CDC16: variants seen among roughly 807,000 people sequenced by gnomAD.
CDC16 encodes the protein cell division cycle protein 16 homolog.
In CDC16, 34 loss-of-function variants were observed where a neutral mutation model predicts 87.0. The observed-to-expected ratio is 0.39, with a 90% CI of 0.30 to 0.52. The LOEUF (loss-of-function observed/expected upper bound fraction) is 0.52, where lower values mean the gene tolerates loss of function less well. CDC16 is among the 20% of genes least tolerant of loss of function. The pLI, the probability that CDC16 is intolerant of heterozygous loss-of-function variation, is 0.74. For synonymous variants in CDC16, 263 were observed against 260.6 expected (o/e 1.01, Z -0.09); for missense variants, 653 against 751.9 (o/e 0.87, Z 1.54).
Position 114,254,692 on chromosome 13 carries a change from C to G in CDC16, c.1098-2386C>G, listed in dbSNP as rs149304381. ...AATGTAGCTATTTTTATCAGACTCT[C>G]ATTTCTTCGTGTTGTAAACCAAAAA... On this transcript the variant is annotated intron_variant, in intron 12 of 17. Coordinates refer to ENST00000356221, the MANE Select transcript of CDC16 (RefSeq NM_001078645.3). Among the ~76,000 whole-genome samples the G allele has an allele frequency of 2.0e-4, 30 of 152,278 alleles. No individual in the cohort carries two copies. The East Asian group carries it at 5.6e-3, about 28-fold the overall frequency.
At chr13:114,266,846 T>C (rs774875630) in intron 17 of CDC16, among the ~76,000 whole-genome samples, 1 of 151,920 alleles carries the variant, frequency 6.6e-6, no homozygotes, top group Admixed American at 6.6e-5. Context: ...CAGGCACCCA[T>C]CACCACGCCC....
chr13:114,251,973 T>A (rs942972201), intron 12 of CDC16, among the ~76,000 whole-genome samples: 2 of 151,400 alleles, frequency 1.3e-5, no homozygotes, highest in Non-Finnish European at 2.9e-5. Flanking sequence ...AGCCCTACAC[T>A]AGCCCTGTTG....
Position 114,236,709 on chromosome 13 carries a change from A to T in CDC16, c.103+10A>T, listed in dbSNP as rs1469083596. 1 of 1,613,880 alleles carries T rather than the reference A, an allele frequency of 6.2e-7. No homozygotes were observed. On this transcript the variant is annotated intron_variant, in intron 2 of 17. Transcript: ENST00000356221. ...GCTTCACTCTCTCGTGGTAAGTGAC[A>T]AAATGCTAACTGGTTTTCTGATTAA... is the stretch of plus-strand genomic sequence containing the variant.
At chr13:114,261,737 A>G in intron 14 of CDC16, 150 bp from the exon 15 acceptor site, 1 of 528,078 alleles carries the variant, frequency 1.9e-6, no homozygotes, top group East Asian at 3.2e-5. Flanking sequence ...AGGGAGATAG[A>G]TAAAACAGCA....
chr13:114,243,359 C>T lies in CDC16; in HGVS notation c.633+11C>T. 2 of 1,320,172 alleles carry T rather than the reference C, an allele frequency of 1.5e-6. No homozygotes were observed. Among genetic ancestry groups the T allele is most frequent in the Non-Finnish European group, 2.2e-6 (2 of 913,284 alleles). 81.8% of individuals were successfully genotyped at this position (1,320,172 alleles called of 1,614,324 possible). A position where few individuals can be genotyped will look rare whatever the true frequency, so the allele number is the denominator to read the frequency against. ...AACAAATTGAAAAAAGTAAGTAAAA[C>T]CAAAGAGTTAGCACTTGCTTTATGT... On this transcript the variant is annotated intron_variant, in intron 7 of 17. Coordinates refer to ENST00000356221, the MANE Select transcript of CDC16 (RefSeq NM_001078645.3).
intron 8 of CDC16, chr13:114,244,550 A>G (rs2081742382): frequency 1.1e-5 from 2 of 188,860 alleles, no homozygotes; most frequent in Admixed American, 1.2e-4. Context: ...GTAAAACTGC[A>G]GTTATTTTTG....
intron 5 of CDC16, 43 bp downstream of exon 5, chr13:114,239,533 T>C: frequency 6.8e-7 from 1 of 1,471,120 alleles, no homozygotes; most frequent in Non-Finnish European, 9.1e-7. Flanking sequence ...GCGGCGAGAA[T>C]TGCCCTCATT....
Position 114,235,109 on chromosome 13 carries a change from C to G in CDC16, c.25C>G (p.Arg9Gly). 1 of 1,245,334 alleles carries G rather than the reference C, an allele frequency of 8.0e-7. No individual in the cohort carries two copies. Among genetic ancestry groups the G allele is most frequent in the Non-Finnish European group, 1.0e-6 (1 of 995,280 alleles). The allele number at this position is 1,245,334 out of a possible 1,614,324, so 77.1% of individuals were successfully genotyped here. A position where few individuals can be genotyped will look rare whatever the true frequency, so the allele number is the denominator to read the frequency against. MNLERLRK[R>G]VRQYLDQQQY... Reference sequence around the variant, plus strand: ...CATGAACCTAGAGCGGCTGCGGAAGCGCGTCCGGCAGTACCTCGACCAGGT... The same window carrying G: ...CATGAACCTAGAGCGGCTGCGGAAGGGCGTCCGGCAGTACCTCGACCAGGT... The change falls in exon 1 of 18, where the codon CGC (arginine) becomes GGC (glycine). Residue 9 changes from arginine (R) to glycine (G), a missense_variant. Physicochemically the swap from Arg to Gly is moderately radical, Grantham distance 125. Coordinates refer to ENST00000356221, the MANE Select transcript of CDC16 (RefSeq NM_001078645.3).
At chr13:114,246,075 GT>G (rs201167565) in intron 10 of CDC16, 26 bp downstream of exon 10, 61,034 of 830,678 alleles carry the variant, frequency 0.073, 110 homozygotes, top group African/African-American at 0.096. Flanking sequence ...TTTAGTCTTA[GT>G]TTTTTTTTTT....
In CDC16 at chr13:114,259,404, C is replaced by T; in HGVS notation, c.1314+6C>T. ...TTAAAGCAATTGGGAACGAGGTATTCTTTGTAGTACCTGTAAATATACACA... is the reference window on the plus strand; with the variant it reads ...TTAAAGCAATTGGGAACGAGGTATTTTTTGTAGTACCTGTAAATATACACA... On this transcript the variant is annotated splice_donor_region_variant and intron_variant, in intron 14 of 17. Transcript: ENST00000356221. 1 of 1,520,636 alleles carries T rather than the reference C, an allele frequency of 6.6e-7. No individual in the cohort carries two copies. The highest frequency in any genetic ancestry group is 8.8e-7 in the Non-Finnish European group (1 of 1,130,332). The allele number at this position is 1,520,636 out of a possible 1,614,324, so 94.2% of individuals were successfully genotyped here. A position where few individuals can be genotyped will look rare whatever the true frequency, so the allele number is the denominator to read the frequency against.
chr13:114,268,479 G>C (rs567590971), intron 17 of CDC16, among the ~76,000 whole-genome samples: 1 of 152,322 alleles, frequency 6.6e-6, no homozygotes, highest in East Asian at 1.9e-4. Flanking sequence ...AGTACCCTTA[G>C]GGGTTTCGTG....
Position 114,262,886 on chromosome 13 carries a change from G to C in CDC16, c.1384G>C (p.Ala462Pro). The change falls in exon 16 of 18, where the codon GCT becomes CCT. Residue 462 changes from alanine to proline, a missense_variant. Coordinates refer to ENST00000356221, the MANE Select transcript of CDC16 (RefSeq NM_001078645.3). ...TTGTGTTCTCTCCCACAGAAAGTAT[G>C]CTGAGGCCTTGGATTACCACCGTCA... ...GHVCRKLKKY[A>P]EALDYHRQAL... 6.2e-7 allele frequency: 1 copy of C among 1,614,158 alleles called. No homozygotes were observed. Among genetic ancestry groups the C allele is most frequent in the Non-Finnish European group, 8.5e-7 (1 of 1,180,012 alleles).
At chr13:114,240,664 T>G (rs1219224851) in intron 5 of CDC16, among the ~76,000 whole-genome samples, 1 of 152,214 alleles carries the variant, frequency 6.6e-6, no homozygotes, top group Non-Finnish European at 1.5e-5. Flanking sequence ...GGCCCATTTA[T>G]TTATATTTTT....
intron 16 of CDC16, among the ~76,000 whole-genome samples, chr13:114,263,772 A>G (rs986243245): frequency 1.3e-5 from 2 of 152,144 alleles, no homozygotes; most frequent in African/African-American, 4.8e-5. Flanking sequence ...CAGTCTGCTA[A>G]AGTGTCAACA....
chr13:114,242,189 C>T lies in CDC16; in HGVS notation c.450C>T (p.Thr150=), dbSNP rs138551266. ...YDALDNRTLA[T]YSYKEALKLD... is the part of the protein sequence containing the mutation. ...CTCTAGATAACCGAACCCTGGCTAC[C>T]TACAGCTACAAAGAAGCTTTGAAGC... Residue 150 remains threonine (T), a synonymous_variant, in exon 6 of 18, where the codon ACC becomes ACT. Coordinates refer to ENST00000356221, the MANE Select transcript of CDC16 (RefSeq NM_001078645.3). The T allele has an allele frequency of 8.7e-6, 14 of 1,614,056 alleles. No individual in the cohort carries two copies. In the African/African-American group the frequency reaches 1.6e-4, roughly 18 times the overall value.
At chr13:114,272,045 A>C in intron 17 of CDC16, 139 bp from the exon 18 acceptor site, 1 of 542,642 alleles carries the variant, frequency 1.8e-6, no homozygotes, top group East Asian at 3.1e-5. Flanking sequence ...TAATGATGGA[A>C]ATGATAAATG....
chr13:114,234,941 T>TGCGGCCTTCGAGTCC lies in CDC16; in HGVS notation c.-128_-114dup, dbSNP rs532106085. On this transcript the variant is annotated 5_prime_UTR_variant, in exon 1 of 18. Transcript: ENST00000356221. Reference sequence around the variant, plus strand: ...GGGGGTGCGGGTGTGGGTGGGGACCTGCGGCCTTCGAGTCCGCGGCCTTCG... The same window carrying TGCGGCCTTCGAGTCC: ...GGGGGTGCGGGTGTGGGTGGGGACCTGCGGCCTTCGAGTCCGCGGCCTTCGAGTCCGCGGCCTTCG... The TGCGGCCTTCGAGTCC allele has an allele frequency of 6.8e-5, 33 of 487,258 alleles. No homozygotes were observed. The highest frequency in any genetic ancestry group is 5.3e-4 in the African/African-American group (26 of 48,716). The allele number at this position is 487,258 out of a possible 1,614,324, so 30.2% of individuals were successfully genotyped here.
chr13:114,238,031 G>C (rs17291048), intron 3 of CDC16, among the ~76,000 whole-genome samples: 1 of 151,878 alleles, frequency 6.6e-6, no homozygotes, highest in Non-Finnish European at 1.5e-5. Flanking sequence ...CCTGGAGCAC[G>C]TGCTCCAGTC....
At chr13:114,243,788 C>A (rs528484188) in intron 7 of CDC16, 68 bp from the exon 8 acceptor site, 1 of 1,373,892 alleles carries the variant, frequency 7.3e-7, no homozygotes, top group East Asian at 2.3e-5. Context: ...GGGCCAAACA[C>A]AAATTGAATC....
Sources: allele counts gnomAD v4.1 joint callset (sites outside exome capture counted in the v4.1 genomes callset), GRCh38; gene constraint gnomAD v4.1.1; transcripts MANE v1.5; gene names NCBI Gene and HGNC (gene_info 2026-07-23, HGNC 2026-07-21).